Variants in EIF5B observed in about 807,000 individuals in gnomAD.
The protein encoded by EIF5B is eukaryotic translation initiation factor 5B.
A neutral mutation model predicts 147.5 loss-of-function variants in EIF5B; 47 were observed. The ratio of observed to expected loss-of-function variants is 0.32; its 90% confidence interval spans 0.25 to 0.41. The LOEUF (loss-of-function observed/expected upper bound fraction) is 0.41. Ranked by LOEUF, EIF5B falls within the 10% of genes least tolerant of loss-of-function variation. EIF5B has a pLI of 1.00. For missense variants in EIF5B, 1,064 were observed against 1,413.2 expected (o/e 0.75, Z 3.96); for synonymous variants, 455 against 456.2 (o/e 1.00, Z 0.03).
intron 6 of EIF5B, among the ~76,000 whole-genome samples, chr2:99,367,181 C>T (rs1674344855): frequency 6.6e-6 from 1 of 152,128 alleles, no homozygotes; most frequent in Admixed American, 6.5e-5. Flanking sequence ...AAGACCAGTT[C>T]AGAACTTTTC....
chr2:99,354,301 T>C (rs1395685738), intron 1 of EIF5B, among the ~76,000 whole-genome samples: 1 of 152,254 alleles, frequency 6.6e-6, no homozygotes, highest in Non-Finnish European at 1.5e-5. Flanking sequence ...AAATAGCTAA[T>C]GATGTGAACA....
chr2:99,363,303 C>T (rs944001358), intron 4 of EIF5B, among the ~76,000 whole-genome samples: 1 of 152,168 alleles, frequency 6.6e-6, no homozygotes, highest in Non-Finnish European at 1.5e-5. Context: ...TTCATATAAG[C>T]ATCTGTTGGA....
Position 99,394,876 on chromosome 2 carries a change from G to T in EIF5B, c.3247G>T (p.Glu1083Ter), listed in dbSNP as rs781193906. The T allele has an allele frequency of 1.3e-6, 2 of 1,565,916 alleles. No individual in the cohort carries two copies. The highest frequency in any genetic ancestry group is 2.2e-5 in the East Asian group (1 of 44,586). The part of the protein sequence containing the change: ...RQDYKKQKQE[E>*]FKHIAVFPCK... ...AGACTACAAGAAACAGAAACAAGAAGAATTTAAGTAAGTTACTGTTTTTAT... is the reference window on the plus strand; with the variant it reads ...AGACTACAAGAAACAGAAACAAGAATAATTTAAGTAAGTTACTGTTTTTAT... The change falls in exon 21 of 24, where the codon GAA (glutamate) becomes TAA (stop). Residue 1083 changes from glutamate to a stop codon, truncating the protein, a stop_gained. Transcript: ENST00000289371. LOFTEE classifies it high-confidence loss of function.
chr2:99,382,009 A>G (rs1004696833), intron 12 of EIF5B, 150 bp from the exon 13 acceptor site: 2 of 564,176 alleles, frequency 3.5e-6, no homozygotes. Flanking sequence ...TGACAACTGT[A>G]CTTTGCTGGT....
chr2:99,363,680 A>C lies in EIF5B; in HGVS notation c.955A>C (p.Lys319Gln). The C allele has an allele frequency of 6.3e-7, 1 of 1,591,860 alleles. No homozygotes were observed. Among genetic ancestry groups the C allele is most frequent in the Non-Finnish European group, 8.5e-7 (1 of 1,174,790 alleles). The change falls in exon 5 of 24, where the codon AAG becomes CAG. Residue 319 changes from lysine (K) to glutamine (Q), a missense_variant. Physicochemically the swap from Lys to Gln is moderately conservative, Grantham distance 53. This residue lies in a region of EIF5B where 458 missense variants were observed against 451.3 expected (regional missense o/e 1.01). Coordinates refer to ENST00000289371, the MANE Select transcript of EIF5B (RefSeq NM_015904.4). Reference sequence around the variant, plus strand: ...AGGAGACAAAAAGAAGAAAGATAAGAAGAAAAAGAAAGGAGAAAAGGAAGA... The same window carrying C: ...AGGAGACAAAAAGAAGAAAGATAAGCAGAAAAAGAAAGGAGAAAAGGAAGA... ...NEGDKKKKDK[K>Q]KKKGEKEEKE...
In EIF5B at chr2:99,368,490, C is replaced by G; in HGVS notation, c.1289-3C>G. On this transcript the variant is annotated splice_polypyrimidine_tract_variant and splice_region_variant and intron_variant, in intron 6 of 23. Transcript: ENST00000289371. Reference sequence around the variant, plus strand: ...CCTGAAGTTTTTCATTTTTATCCCTCAGGTGTTGAAGTGCCATCAAAAGAC... The same window carrying G: ...CCTGAAGTTTTTCATTTTTATCCCTGAGGTGTTGAAGTGCCATCAAAAGAC... 1 of 1,611,490 alleles carries G rather than the reference C, an allele frequency of 6.2e-7. No individual in the cohort carries two copies. The highest frequency in any genetic ancestry group is 1.1e-5 in the South Asian group (1 of 90,862).
rs1376890051 is a variant in EIF5B, at chr2:99,338,352, C to G, written c.35+763C>G. ...TTGAGACATTTCTGTGTGTCACATT[C>G]GATTGAGTTCTGTTACTCATGATGG... On this transcript the variant is annotated intron_variant, in intron 1 of 23. Coordinates refer to ENST00000289371, the MANE Select transcript of EIF5B (RefSeq NM_015904.4). The G allele has an allele frequency of 4.7e-6, 6 of 1,288,664 alleles. No individual in the cohort carries two copies. The Admixed American group carries it at 1.1e-4, about 25-fold the overall frequency. 79.8% of individuals were successfully genotyped at this position (1,288,664 alleles called of 1,614,324 possible).
intron 23 of EIF5B, 35 bp from the exon 24 acceptor site, chr2:99,399,272 T>A (rs760098617): frequency 1.0e-4 from 163 of 1,599,472 alleles, no homozygotes; most frequent in Non-Finnish European, 1.3e-4. Flanking sequence ...GTTTGTTATG[T>A]TCTGTTTACC....
At chr2:99,340,719 A>G (rs1286755100) in intron 1 of EIF5B, 3 of 152,122 alleles carry the variant, frequency 2.0e-5, no homozygotes, top group Non-Finnish European at 4.4e-5. Flanking sequence ...TTAGAATTCT[A>G]GAATTTTGCT....
intron 1 of EIF5B, among the ~76,000 whole-genome samples, chr2:99,355,597 T>G (rs1008264271): frequency 2.7e-5 from 4 of 146,642 alleles, no homozygotes; most frequent in Admixed American, 1.5e-4. Context: ...TTGTTTGTTT[T>G]TTTGTTTTTT....
intron 1 of EIF5B, among the ~76,000 whole-genome samples, chr2:99,346,498 G>A (rs960392165): frequency 2.6e-5 from 4 of 151,282 alleles, no homozygotes; most frequent in Non-Finnish European, 4.4e-5. Context: ...CAGTGATTAA[G>A]GATCAGAGTT....
At chr2:99,370,519 T>G (rs1002202674) in intron 8 of EIF5B, among the ~76,000 whole-genome samples, 1 of 152,230 alleles carries the variant, frequency 6.6e-6, no homozygotes, top group African/African-American at 2.4e-5. Flanking sequence ...AGCACTGATA[T>G]GACGAGATTA....
intron 17 of EIF5B, 125 bp from the exon 18 acceptor site, chr2:99,392,842 T>C: frequency 2.5e-6 from 2 of 793,758 alleles, no homozygotes; most frequent in Non-Finnish European, 3.5e-6. Flanking sequence ...AGTCTTGTGA[T>C]TATTGCTTTT....
intron 8 of EIF5B, among the ~76,000 whole-genome samples, chr2:99,370,848 G>T (rs930054696): frequency 6.6e-6 from 1 of 152,108 alleles, no homozygotes; most frequent in African/African-American, 2.4e-5. Flanking sequence ...TGGCTGTTTT[G>T]GGGTTATGAG....
At chr2:99,356,491 C>T (rs1193205401) in intron 1 of EIF5B, among the ~76,000 whole-genome samples, 1 of 152,140 alleles carries the variant, frequency 6.6e-6, no homozygotes, top group Non-Finnish European at 1.5e-5. Flanking sequence ...CATACTTTAG[C>T]TTATAATTTA....
At chr2:99,389,998 T>C in intron 15 of EIF5B, 149 bp downstream of exon 15, 1 of 1,252,052 alleles carries the variant, frequency 8.0e-7, no homozygotes, top group Non-Finnish European at 1.1e-6. Context: ...CTTTTCTCCT[T>C]TTTCTTTGCA....
At position 99,376,457 on chromosome 2, in the gene EIF5B, G is replaced by A. The variant is rs1674566403; in HGVS notation, c.1663G>A (p.Gly555Arg). The change falls in exon 10 of 24, where the codon GGA becomes AGA. Residue 555 changes from glycine to arginine, a missense_variant. By Grantham distance (125) the Gly-to-Arg change is moderately radical (BLOSUM62 -2). Transcript: ENST00000289371. The stretch of plus-strand genomic sequence containing the variant: ...AAGTGAAGAAGAGGAGGAAGAGGAG[G>A]GAGAAAGTGAAGGCAGTGAAGGTGA... ...EESEEEEEEEGESEGSEGDEE... is the reference protein window; with the variant it reads ...EESEEEEEEERESEGSEGDEE... The A allele has an allele frequency of 6.2e-7, 1 of 1,601,362 alleles. No homozygotes were observed. Among genetic ancestry groups the A allele is most frequent in the Non-Finnish European group, 8.6e-7 (1 of 1,168,724 alleles).
intron 18 of EIF5B, among the ~76,000 whole-genome samples, chr2:99,393,397 T>C (rs1674975509): frequency 6.6e-6 from 1 of 152,130 alleles, no homozygotes. Flanking sequence ...TCCCAGCTAC[T>C]TGGGAGGCTG....
At chr2:99,365,210 T>A (rs1674302239) in intron 6 of EIF5B, among the ~76,000 whole-genome samples, 1 of 152,208 alleles carries the variant, frequency 6.6e-6, no homozygotes, top group Non-Finnish European at 1.5e-5. Flanking sequence ...GTGCTTAGTG[T>A]GTAACTGATG....
Sources: gnomAD v4.1 joint callset for allele counts (sites outside exome capture counted in the v4.1 genomes callset) on GRCh38, gnomAD v4.1.1 for gene constraint, gnomAD v4.1.1 regional missense constraint, MANE v1.5 for transcripts, NCBI Gene and HGNC (gene_info 2026-07-23, HGNC 2026-07-21) for gene names.